The following PTGER4 variants were observed in gnomAD, a reference collection of about 807,000 sequenced individuals.
The protein encoded by PTGER4 is prostaglandin E2 receptor EP4 subtype.
Under a neutral mutation model 33.2 loss-of-function variants are expected in PTGER4, and 11 were observed. The observed-to-expected ratio is 0.33, with a 90% confidence interval of 0.21 to 0.55. PTGER4 has a LOEUF of 0.55. Among genes scored for constraint, PTGER4 ranks in the 20% least tolerant of loss-of-function variants. The pLI, the probability that PTGER4 is intolerant of heterozygous loss-of-function variation, is 0.92. For synonymous variants in PTGER4, 275 were observed against 281.5 expected (o/e 0.98, Z 0.23); for missense variants, 481 against 650.2 (o/e 0.74, Z 2.83).
At chr5:40,740,957 ACTC>A in the PTGER4 span, among the ~76,000 whole-genome samples, 1 of 150,116 alleles carries the variant, frequency 6.7e-6, no homozygotes, top group Admixed American at 6.6e-5. Context: ...CTTCCATTTC[ACTC>A]CTCATTATGT....
chr5:40,696,578 G>C, downstream of PTGER4: 3 of 756,022 alleles, frequency 4.0e-6, no homozygotes, highest in Non-Finnish European at 4.8e-6. Context: ...AAGAGAGAAA[G>C]ATAGCTGGGT....
chr5:40,738,532 T>C, the PTGER4 span, among the ~76,000 whole-genome samples: 1 of 127,580 alleles, frequency 7.8e-6, no homozygotes, highest in African/African-American at 2.9e-5. Flanking sequence ...TAAAATACAA[T>C]AAAATACAAT....
the PTGER4 span, among the ~76,000 whole-genome samples, chr5:40,722,764 T>C: frequency 5.4e-5 from 8 of 149,430 alleles, no homozygotes; most frequent in East Asian, 1.6e-3. Context: ...AGACGCCCCG[T>C]CCCGGAGGTG....
chr5:40,708,439 G>T, the PTGER4 span, among the ~76,000 whole-genome samples: 3 of 152,148 alleles, frequency 2.0e-5, no homozygotes, highest in Admixed American at 6.5e-5. Context: ...TAGAAGAAAT[G>T]GATAAATTCC....
At chr5:40,688,884 C>G (rs1425187485) in intron 2 of PTGER4, among the ~76,000 whole-genome samples, 2 of 152,164 alleles carry the variant, frequency 1.3e-5, no homozygotes, top group Non-Finnish European at 2.9e-5. Context: ...CTTGATTTAG[C>G]TGTCTTCCAT....
the PTGER4 span, among the ~76,000 whole-genome samples, chr5:40,727,105 CT>C: frequency 6.6e-6 from 1 of 151,996 alleles, no homozygotes; most frequent in African/African-American, 2.4e-5. Context: ...TGACAAACAC[CT>C]TTTTTGGTAA....
downstream of PTGER4, among the ~76,000 whole-genome samples, chr5:40,694,241 T>C (rs953729593): frequency 1.6e-4 from 24 of 152,070 alleles, no homozygotes; most frequent in African/African-American, 5.8e-4. Context: ...AGGAGAGACA[T>C]GTCATGCCAT....
At position 40,680,957 on chromosome 5, in the gene PTGER4, C is replaced by T; in HGVS notation, c.-37C>T. The T allele has an allele frequency of 6.4e-7, 1 of 1,572,698 alleles. No homozygotes were observed. Among genetic ancestry groups the T allele is most frequent in the Non-Finnish European group, 8.6e-7 (1 of 1,158,682 alleles). On this transcript the variant is annotated 5_prime_UTR_variant, in exon 2 of 3. Transcript: ENST00000302472. The surrounding 1 kb of genome is among the most constrained non-coding windows in gnomAD (Gnocchi z 5.5). The stretch of plus-strand genomic sequence containing the variant: ...TCTCTTCTACCATCCCCAGACCCAG[C>T]CTTGCACTCCAAGGCTGCGCACCGC...
chr5:40,736,106 G>T, the PTGER4 span, among the ~76,000 whole-genome samples: 18 of 152,288 alleles, frequency 1.2e-4, no homozygotes, highest in East Asian at 2.7e-3. Context: ...AGGCACAAGG[G>T]GATGGGGTCT....
At chr5:40,700,682 A>G in the PTGER4 span, among the ~76,000 whole-genome samples, 1 of 152,218 alleles carries the variant, frequency 6.6e-6, no homozygotes, top group Admixed American at 6.5e-5. Context: ...ATGATGGGGA[A>G]GGAACATAAA....
chr5:40,729,999 A>C, the PTGER4 span, among the ~76,000 whole-genome samples: 1 of 152,198 alleles, frequency 6.6e-6, no homozygotes, highest in Non-Finnish European at 1.5e-5. Context: ...GCACCTGCCC[A>C]CCAGTGACTT....
At chr5:40,711,239 GAA>G in the PTGER4 span, among the ~76,000 whole-genome samples, 1 of 151,982 alleles carries the variant, frequency 6.6e-6, no homozygotes, top group Non-Finnish European at 1.5e-5. Context: ...CAAAATATTT[GAA>G]AAGTTACTTT....
Position 40,691,716 on chromosome 5 carries a change from G to A in PTGER4, c.868-63G>A, listed in dbSNP as rs1741476241. 1.9e-6 allele frequency: 3 copies of A among 1,538,794 alleles called. No individual in the cohort carries two copies. In the African/African-American group the frequency reaches 4.1e-5, roughly 21 times the overall value. ...TCCTAATATTGATAAGGTAGACATAGCATTTATATGTTTTCCCAATTGATT... is the reference window on the plus strand; with the variant it reads ...TCCTAATATTGATAAGGTAGACATAACATTTATATGTTTTCCCAATTGATT... On this transcript the variant is annotated intron_variant, in intron 2 of 2. Coordinates refer to ENST00000302472, the MANE Select transcript of PTGER4 (RefSeq NM_000958.3). The surrounding 1 kb of genome is among the most constrained non-coding windows in gnomAD (Gnocchi z 4.2).
the PTGER4 span, chr5:40,730,218 T>C: frequency 2.7e-6 from 4 of 1,485,114 alleles, no homozygotes; most frequent in Non-Finnish European, 2.8e-6. Flanking sequence ...CGAACAAACA[T>C]AGCACAATTT....
intron 2 of PTGER4, among the ~76,000 whole-genome samples, chr5:40,690,956 C>G (rs989407574): frequency 1.3e-5 from 2 of 152,200 alleles, no homozygotes; most frequent in Admixed American, 1.3e-4. Flanking sequence ...AAGATAGTTA[C>G]AAAAATATTA....
chr5:40,718,413 AT>A, the PTGER4 span, among the ~76,000 whole-genome samples: 1 of 151,708 alleles, frequency 6.6e-6, no homozygotes, highest in Non-Finnish European at 1.5e-5. Flanking sequence ...CTCAAAAAAA[AT>A]AAATAAATAA....
chr5:40,717,599 C>T, the PTGER4 span, among the ~76,000 whole-genome samples: 4 of 152,222 alleles, frequency 2.6e-5, no homozygotes, highest in African/African-American at 9.7e-5. Context: ...AATACAGCTT[C>T]CTTTCCTAGT....
chr5:40,718,300 G>T, the PTGER4 span, among the ~76,000 whole-genome samples: 1 of 151,892 alleles, frequency 6.6e-6, no homozygotes, highest in African/African-American at 2.4e-5. Flanking sequence ...CAGCTACTTA[G>T]GAGGCTGAGG....
the PTGER4 span, among the ~76,000 whole-genome samples, chr5:40,737,498 G>A: frequency 1.3e-5 from 2 of 152,168 alleles, no homozygotes; most frequent in Non-Finnish European, 1.5e-5. Flanking sequence ...AAGACATCAT[G>A]AACACATATA....
Sources: allele counts gnomAD v4.1 joint callset (sites outside exome capture counted in the v4.1 genomes callset), GRCh38; gene constraint gnomAD v4.1.1; non-coding constraint Gnocchi (gnomAD v3.1); transcripts MANE v1.5; gene names NCBI Gene and HGNC (gene_info 2026-07-23, HGNC 2026-07-21).